Variants in CPNE8 observed in about 807,000 individuals in gnomAD.
CPNE8 encodes the protein copine-8.
Under a neutral mutation model 81.5 loss-of-function variants are expected in CPNE8, and 45 were observed. That is an observed-to-expected ratio of 0.55 (90% CI 0.44 to 0.71). The LOEUF is 0.71. Among genes scored for constraint, CPNE8 ranks in the 30% least tolerant of loss-of-function variants. The pLI is 0.00. For missense variants in CPNE8, 594 were observed against 672.1 expected (o/e 0.88, Z 1.28); for synonymous variants, 252 against 226.3 (o/e 1.11, Z -1.02).
chr12:38,788,725 C>A (rs1942256266), intron 6 of CPNE8, among the ~76,000 whole-genome samples: 1 of 151,420 alleles, frequency 6.6e-6, no homozygotes, highest in African/African-American at 2.4e-5. Flanking sequence ...CTGAAGATGC[C>A]ACACAAAAAA....
chr12:38,776,506 C>T (rs765261359), intron 6 of CPNE8, among the ~76,000 whole-genome samples: 7 of 151,706 alleles, frequency 4.6e-5, no homozygotes, highest in Non-Finnish European at 1.0e-4. Flanking sequence ...GATGGGGTTT[C>T]GCCATGTTGG....
At chr12:38,655,437 T>G (rs1009168450) in intron 19 of CPNE8, among the ~76,000 whole-genome samples, 6 of 152,138 alleles carry the variant, frequency 3.9e-5, no homozygotes, top group Admixed American at 3.3e-4. Context: ...AGCACAGTAA[T>G]TTTTGGTCTT....
chr12:38,691,443 C>T (rs987684677), intron 15 of CPNE8, among the ~76,000 whole-genome samples: 74 of 152,254 alleles, frequency 4.9e-4, no homozygotes, highest in African/African-American at 1.7e-3. Context: ...AGTAAATACT[C>T]AGCATTGAGT....
At chr12:38,772,705 G>A (rs936941971) in intron 7 of CPNE8, among the ~76,000 whole-genome samples, 6 of 152,092 alleles carry the variant, frequency 3.9e-5, no homozygotes, top group Non-Finnish European at 7.4e-5. Context: ...AAAATAGTAG[G>A]AGGTTCCTCA....
intron 6 of CPNE8, among the ~76,000 whole-genome samples, chr12:38,819,273 C>T (rs1422883272): frequency 6.6e-6 from 1 of 152,128 alleles, no homozygotes; most frequent in Non-Finnish European, 1.5e-5. Context: ...TTAGGTTTTA[C>T]ATTTAAGTCT....
intron 3 of CPNE8, among the ~76,000 whole-genome samples, chr12:38,869,706 G>C (rs912387335): frequency 5.3e-5 from 8 of 151,986 alleles, no homozygotes; most frequent in Admixed American, 4.6e-4. Flanking sequence ...TGTTGAAAAT[G>C]CCTCTTAATT....
chr12:38,668,144 A>G (rs934538543), intron 19 of CPNE8, among the ~76,000 whole-genome samples: 15 of 152,316 alleles, frequency 9.8e-5, no homozygotes, highest in African/African-American at 3.6e-4. Flanking sequence ...TTATACTAGT[A>G]TATACCTATG....
chr12:38,792,612 A>G (rs887519257), intron 6 of CPNE8, among the ~76,000 whole-genome samples: 2 of 151,786 alleles, frequency 1.3e-5, no homozygotes, highest in Non-Finnish European at 1.5e-5. Context: ...AAATTAAAGC[A>G]TAAGTCCCAA....
intron 3 of CPNE8, among the ~76,000 whole-genome samples, chr12:38,867,601 C>A (rs920135941): frequency 2.6e-5 from 4 of 152,104 alleles, no homozygotes; most frequent in Non-Finnish European, 5.9e-5. Flanking sequence ...GGAACAAATT[C>A]TATAATTTTA....
At position 38,685,772 on chromosome 12, in the gene CPNE8, TTAAG is replaced by T. The variant is rs144807766; in HGVS notation, c.1144-159_1144-156del. 8.6e-3 allele frequency: 5,124 copies of T among 593,518 alleles called. 193 individuals are homozygous for T. The highest frequency in any genetic ancestry group is 0.081 in the African/African-American group (4,311 of 53,092). The allele number at this position is 593,518 out of a possible 1,614,324, so 36.8% of individuals were successfully genotyped here. On this transcript the variant is annotated intron_variant, in intron 15 of 19. Transcript: ENST00000331366. ...TTTACAATAGCAAAAAAATAATACA[TTAAG>T]TAAGTGATCAACAATCGATTATGAT... is the stretch of plus-strand genomic sequence containing the variant.
chr12:38,842,207 T>A (rs1943480145), intron 4 of CPNE8, among the ~76,000 whole-genome samples: 1 of 152,154 alleles, frequency 6.6e-6, no homozygotes, highest in African/African-American at 2.4e-5. Flanking sequence ...TACATTTTTT[T>A]ATCCAAGAAA....
intron 7 of CPNE8, 102 bp downstream of exon 7, chr12:38,776,136 A>G: frequency 2.0e-6 from 1 of 498,396 alleles, no homozygotes; most frequent in Non-Finnish European, 3.5e-6. Flanking sequence ...ATTGTATAAC[A>G]CTTTTGCTAC....
chr12:38,785,085 T>C (rs1283155722), intron 6 of CPNE8, among the ~76,000 whole-genome samples: 1 of 151,600 alleles, frequency 6.6e-6, no homozygotes, highest in Admixed American at 6.6e-5. Flanking sequence ...GTTCCAGCTA[T>C]TCAGAAGGCT....
At chr12:38,878,591 C>T (rs1944100584) in intron 1 of CPNE8, among the ~76,000 whole-genome samples, 1 of 152,142 alleles carries the variant, frequency 6.6e-6, no homozygotes, top group Non-Finnish European at 1.5e-5. Flanking sequence ...AGACAGTTTC[C>T]CATATAGTAG....
intron 13 of CPNE8, among the ~76,000 whole-genome samples, chr12:38,706,578 T>C (rs1020704445): frequency 2.6e-5 from 4 of 152,204 alleles, no homozygotes; most frequent in African/African-American, 7.2e-5. Context: ...ATTCTTTTTA[T>C]GTTATTTTAT....
intron 1 of CPNE8, among the ~76,000 whole-genome samples, chr12:38,877,930 A>G (rs2137115640): frequency 6.6e-6 from 1 of 152,348 alleles, no homozygotes; most frequent in South Asian, 2.1e-4. Flanking sequence ...GATGCAGGTC[A>G]TAAAGACCCT....
At chr12:38,717,427 G>GTATATATATATATATATATATCTATA (rs1491219731) in intron 13 of CPNE8, among the ~76,000 whole-genome samples, 1 of 69,728 alleles carries the variant, frequency 1.4e-5, no homozygotes, top group Non-Finnish European at 2.6e-5. Context: ...AGAAAGTGTG[G>GTATATATATATATATATATATCTATA]TGTATATATA....
intron 18 of CPNE8, among the ~76,000 whole-genome samples, chr12:38,674,206 T>C (rs1939239091): frequency 6.6e-6 from 1 of 152,142 alleles, no homozygotes; most frequent in Non-Finnish European, 1.5e-5. Context: ...CTGCTCTGTA[T>C]AGAAATGTGT....
intron 6 of CPNE8, among the ~76,000 whole-genome samples, chr12:38,782,411 T>C (rs1428430329): frequency 2.0e-5 from 3 of 152,154 alleles, no homozygotes; most frequent in Non-Finnish European, 2.9e-5. Flanking sequence ...TTAGATAATA[T>C]GTATCATTGT....
Sources: gnomAD v4.1 joint callset for allele counts (sites outside exome capture counted in the v4.1 genomes callset) on GRCh38, gnomAD v4.1.1 for gene constraint, MANE v1.5 for transcripts, NCBI Gene and HGNC (gene_info 2026-07-23, HGNC 2026-07-21) for gene names.